The following PCDHGA10 variants were observed in gnomAD, a reference collection of about 807,000 sequenced individuals.
PCDHGA10 encodes the protein protocadherin gamma subfamily A, 10, also known as protocadherin gamma-A10.
In PCDHGA10, 42 loss-of-function variants were observed where a neutral mutation model predicts 59.5. The observed-to-expected ratio is 0.71, with a 90% CI of 0.55 to 0.91. PCDHGA10 has a LOEUF of 0.91. Ranked by LOEUF, PCDHGA10 falls within the 40% of genes least tolerant of loss-of-function variation. The pLI, the probability that PCDHGA10 is intolerant of heterozygous loss-of-function variation, is 0.00. For missense variants in PCDHGA10, 1,111 were observed against 1,198.2 expected (o/e 0.93, Z 1.07); for synonymous variants, 511 against 517.2 (o/e 0.99, Z 0.16).
chr5:141,448,449 T>A (rs528049717), intron 1 of PCDHGA10, among the ~76,000 whole-genome samples: 1 of 152,166 alleles, frequency 6.6e-6, no homozygotes, highest in Non-Finnish European at 1.5e-5. Context: ...CTGACTTCCA[T>A]CCCTATCCTA....
chr5:141,418,985 T>C, intron 1 of PCDHGA10: 1 of 1,613,882 alleles, frequency 6.2e-7, no homozygotes, highest in Non-Finnish European at 8.5e-7. Context: ...GGACCAAGAC[T>C]CAGGGGAAAA....
Position 141,476,752 on chromosome 5 carries a change from A to T in PCDHGA10, c.2437-18055A>T, listed in dbSNP as rs771355583. On this transcript the variant is annotated intron_variant, in intron 1 of 3. Coordinates refer to ENST00000398610, the MANE Select transcript of PCDHGA10 (RefSeq NM_018913.3). This position sits in a 1 kb window ranked among gnomAD's most constrained non-coding sequence, Gnocchi z 7.6. ...GAGAACGGGAGCCTAGTCTCCAGTTAGTGCTGACGGCGTTGGACGGAGGGA... is the reference window on the plus strand; with the variant it reads ...GAGAACGGGAGCCTAGTCTCCAGTTTGTGCTGACGGCGTTGGACGGAGGGA... 1.2e-6 allele frequency: 2 copies of T among 1,613,926 alleles called. No individual in the cohort carries two copies. Among genetic ancestry groups the T allele is most frequent in the South Asian group, 2.2e-5 (2 of 91,080 alleles).
At chr5:141,463,834 A>G (rs1212299231) in intron 1 of PCDHGA10, among the ~76,000 whole-genome samples, 4 of 152,108 alleles carry the variant, frequency 2.6e-5, no homozygotes, top group East Asian at 1.9e-4. Flanking sequence ...TCCACTTCCC[A>G]GTTGTTATAG....
At position 141,490,381 on chromosome 5, in the gene PCDHGA10, A is replaced by T. The variant is rs770046796; in HGVS notation, c.2437-4426A>T. 1 of 1,614,240 alleles carries T rather than the reference A, an allele frequency of 6.2e-7. No homozygotes were observed. The highest frequency in any genetic ancestry group is 1.1e-5 in the South Asian group (1 of 91,090). On this transcript the variant is annotated intron_variant, in intron 1 of 3. Coordinates refer to ENST00000398610, the MANE Select transcript of PCDHGA10 (RefSeq NM_018913.3). This position sits in a 1 kb window ranked among gnomAD's most constrained non-coding sequence, Gnocchi z 5.4. ...TAATGTGCGAGACCGGGACTCAGGT[A>T]GAAATGGTGAAGTGAGCCTTGATAT...
Position 141,477,920 on chromosome 5 carries a change from C to A in PCDHGA10, c.2437-16887C>A, listed in dbSNP as rs755219711. ...GGTAGGCTGGGACGCGGATGCAGGGCACAATGCCTGGCTCTCCTACAGTCT... is the reference window on the plus strand; with the variant it reads ...GGTAGGCTGGGACGCGGATGCAGGGAACAATGCCTGGCTCTCCTACAGTCT... On this transcript the variant is annotated intron_variant, in intron 1 of 3. Transcript: ENST00000398610. The surrounding 1 kb of genome is among the most constrained non-coding windows in gnomAD (Gnocchi z 4.9). The A allele has an allele frequency of 6.2e-7, 1 of 1,614,180 alleles. No individual in the cohort carries two copies. The highest frequency in any genetic ancestry group is 8.5e-7 in the Non-Finnish European group (1 of 1,180,038).
intron 1 of PCDHGA10, chr5:141,428,444 T>C (rs2097139811): frequency 5.3e-6 from 2 of 379,264 alleles, no homozygotes; most frequent in Non-Finnish European, 1.0e-5. Context: ...AGACCAGGGG[T>C]TTTTCCCAAC....
At chr5:141,423,384 C>G (rs1196881147) in intron 1 of PCDHGA10, 1 of 1,614,054 alleles carries the variant, frequency 6.2e-7, no homozygotes, top group Non-Finnish European at 8.5e-7. Context: ...GGCTGTGGCG[C>G]TGGCATAAGT....
intron 1 of PCDHGA10, among the ~76,000 whole-genome samples, chr5:141,466,776 C>T (rs2099129231): frequency 6.6e-6 from 1 of 152,104 alleles, no homozygotes; most frequent in African/African-American, 2.4e-5. Flanking sequence ...TTATCTTATT[C>T]TTCTTAGTGC....
intron 1 of PCDHGA10, among the ~76,000 whole-genome samples, chr5:141,452,401 G>C (rs2098740635): frequency 6.6e-6 from 1 of 152,134 alleles, no homozygotes. Flanking sequence ...CTAAGATCTG[G>C]GTGTGAGGTA....
rs753473913 is a variant in PCDHGA10 at position 141,503,323 on chromosome 5, G to A, written c.2496-2070G>A. On this transcript the variant is annotated intron_variant, in intron 2 of 3. Transcript: ENST00000398610. The stretch of plus-strand genomic sequence containing the variant: ...CTCAAGAAAGAATTGTTGGAGGGGC[G>A]CGGTGGCTCACGCCTGTAATTCCAG... Among the ~76,000 whole-genome samples the A allele has an allele frequency of 2.0e-5, 3 of 152,214 alleles. No individual in the cohort carries two copies. In the Middle Eastern group the frequency reaches 0.01, roughly 518 times the overall value.
In PCDHGA10 at chr5:141,485,610, C is replaced by A; in HGVS notation, c.2437-9197C>A. ...CTGGACTTGGAAATTGGGGAGGCAGCTCCTCCAGGACAGCGTTTCCCGTTG... is the reference window on the plus strand; with the variant it reads ...CTGGACTTGGAAATTGGGGAGGCAGATCCTCCAGGACAGCGTTTCCCGTTG... On this transcript the variant is annotated intron_variant, in intron 1 of 3. Coordinates refer to ENST00000398610, the MANE Select transcript of PCDHGA10 (RefSeq NM_018913.3). This position sits in a 1 kb window ranked among gnomAD's most constrained non-coding sequence, Gnocchi z 5.7. The A allele has an allele frequency of 1.2e-6, 2 of 1,612,076 alleles. No individual in the cohort carries two copies. The highest frequency in any genetic ancestry group is 1.7e-6 in the Non-Finnish European group (2 of 1,178,616).
chr5:141,416,101 C>CT (rs34144584), intron 1 of PCDHGA10: 1 of 158,972 alleles, frequency 6.3e-6, no homozygotes, highest in Non-Finnish European at 1.4e-5. Context: ...GGCAATAGGC[C>CT]TTTTTCAAAC....
chr5:141,430,938 C>A, intron 1 of PCDHGA10: 1 of 1,607,082 alleles, frequency 6.2e-7, no homozygotes, highest in Non-Finnish European at 8.5e-7. Context: ...CGGGAGCTCG[C>A]GGAGCGCGGA....
intron 1 of PCDHGA10, chr5:141,422,608 T>A: frequency 5.0e-6 from 8 of 1,613,956 alleles, no homozygotes; most frequent in Non-Finnish European, 5.1e-6. Context: ...TTACTCTGCC[T>A]ACATTCCCGA....
chr5:141,423,868 T>G (rs2154550529), intron 1 of PCDHGA10: 1 of 1,283,788 alleles, frequency 7.8e-7, no homozygotes, highest in East Asian at 3.1e-5. Flanking sequence ...GTGAAAGTCA[T>G]TTTTCAATCT....
chr5:141,423,139 G>A (rs2096713828), intron 1 of PCDHGA10: 2 of 1,613,616 alleles, frequency 1.2e-6, no homozygotes, highest in Middle Eastern at 1.7e-4. Flanking sequence ...GGACAGAGAC[G>A]CGCTCAAGCA....
At chr5:141,426,667 A>G in intron 1 of PCDHGA10, 2 of 430,860 alleles carry the variant, frequency 4.6e-6, no homozygotes, top group Non-Finnish European at 9.5e-6. Context: ...ATAAATGATA[A>G]CCCACCTCAT....
intron 1 of PCDHGA10, among the ~76,000 whole-genome samples, chr5:141,457,253 T>C (rs986838327): frequency 1.4e-4 from 22 of 152,196 alleles, no homozygotes; most frequent in Admixed American, 1.4e-3. Flanking sequence ...CTTGCCAACA[T>C]ATAGAATTCC....
intron 1 of PCDHGA10, chr5:141,418,509 G>T: frequency 6.2e-7 from 1 of 1,613,986 alleles, no homozygotes; most frequent in Non-Finnish European, 8.5e-7. Flanking sequence ...GCCTTAGATG[G>T]TGGGGACCCT....
Sources: gnomAD v4.1 joint callset for allele counts (sites outside exome capture counted in the v4.1 genomes callset) on GRCh38, gnomAD v4.1.1 for gene constraint, Gnocchi (gnomAD v3.1) non-coding constraint, MANE v1.5 for transcripts, NCBI Gene and HGNC (gene_info 2026-07-23, HGNC 2026-07-21) for gene names.